The following FAM83G variants were observed in gnomAD, a reference collection of about 807,000 sequenced individuals.
The protein encoded by FAM83G is protein FAM83G.
Under a neutral mutation model 61.5 loss-of-function variants are expected in FAM83G, and 38 were observed. The observed-to-expected ratio is 0.62, with a 90% CI of 0.48 to 0.81. FAM83G has a LOEUF of 0.81. FAM83G is among the 30% of genes least tolerant of loss of function. The pLI, the probability that FAM83G is intolerant of heterozygous loss-of-function variation, is 0.00. For missense variants in FAM83G, 989 were observed against 1,133.6 expected (o/e 0.87, Z 1.83); for synonymous variants, 470 against 476.1 (o/e 0.99, Z 0.17).
In FAM83G at chr17:19,003,116, C is replaced by T. The variant is rs111546813; in HGVS notation, c.522+404G>A. Reference sequence around the variant, plus strand: ...CTATTCCCTCACCCCACAACAAAAGCTCTCCCCACCAGAGAGCTCATGGTG... The same window carrying T: ...CTATTCCCTCACCCCACAACAAAAGTTCTCCCCACCAGAGAGCTCATGGTG... On this transcript the variant is annotated intron_variant, in intron 2 of 5. Coordinates refer to ENST00000388995, the MANE Select transcript of FAM83G (RefSeq NM_001039999.3). The surrounding 1 kb of genome is among the most constrained non-coding windows in gnomAD (Gnocchi z 4.5). Among the ~76,000 whole-genome samples the T allele has an allele frequency of 3.9e-5, 6 of 152,046 alleles. No individual in the cohort carries two copies. Among genetic ancestry groups the T allele is most frequent in the South Asian group, 2.1e-4 (1 of 4,794 alleles).
intron 2 of FAM83G, among the ~76,000 whole-genome samples, chr17:18,991,090 C>T (rs1055513560): frequency 2.6e-5 from 4 of 152,192 alleles, no homozygotes; most frequent in Non-Finnish European, 5.9e-5. Flanking sequence ...GTTCTTTTTC[C>T]CATTTTGCAG....
chr17:18,987,570 G>A (rs944448672), intron 3 of FAM83G, among the ~76,000 whole-genome samples: 2 of 152,202 alleles, frequency 1.3e-5, no homozygotes, highest in Admixed American at 6.5e-5. Context: ...AGAGAAGGGA[G>A]GTGACATGCC....
intron 3 of FAM83G, among the ~76,000 whole-genome samples, chr17:18,983,278 AGGCATCACTAT>A (rs2152015836): frequency 6.6e-6 from 1 of 152,342 alleles, no homozygotes; most frequent in South Asian, 2.1e-4. Flanking sequence ...CAACCCCGTG[AGGCATCACTAT>A]GGCCATGGGG....
intron 2 of FAM83G, among the ~76,000 whole-genome samples, chr17:18,995,936 C>A (rs2043560449): frequency 6.6e-6 from 1 of 150,808 alleles, no homozygotes; most frequent in African/African-American, 2.4e-5. Context: ...AAGACTAAAT[C>A]CACAGGTCTC....
rs1719989747 is a variant in FAM83G, at chr17:18,978,667, G to A, written c.999C>T (p.Pro333=). Residue 333 remains proline (P), a synonymous_variant, in exon 5 of 6, where the codon CCC becomes CCT. Transcript: ENST00000388995. ...PEPIVLPSVV[P]LVPAGTVAKK... The stretch of plus-strand genomic sequence containing the variant: ...TGGCCACAGTGCCCGCGGGCACCAG[G>A]GGGACCACAGAGGGCAGCACAATAG... 2.5e-6 allele frequency: 4 copies of A among 1,612,856 alleles called. No individual in the cohort carries two copies. Among genetic ancestry groups the A allele is most frequent in the Non-Finnish European group, 3.4e-6 (4 of 1,180,010 alleles).
chr17:18,981,098 C>T (rs1385711422), intron 3 of FAM83G, among the ~76,000 whole-genome samples: 4 of 152,192 alleles, frequency 2.6e-5, no homozygotes, highest in Non-Finnish European at 5.9e-5. Context: ...GCAGAGATGC[C>T]TGTGATGAGG....
Position 19,000,514 on chromosome 17 carries a change from A to C in FAM83G, c.522+3006T>G, listed in dbSNP as rs2043704204. Among the ~76,000 whole-genome samples the C allele has an allele frequency of 6.6e-6, 1 of 152,156 alleles. No individual in the cohort carries two copies. The highest frequency in any genetic ancestry group is 2.4e-5 in the African/African-American group (1 of 41,422). On this transcript the variant is annotated intron_variant, in intron 2 of 5. Transcript: ENST00000388995. The surrounding 1 kb of genome is among the most constrained non-coding windows in gnomAD (Gnocchi z 5.2). ...TTTGGGAACAGGGGGGACTGACAGC[A>C]GTCCTGACAGGAACACAGCCGCTCC...
In FAM83G at chr17:18,971,167, G is replaced by C; in HGVS notation, c.*192C>G. On this transcript the variant is annotated 3_prime_UTR_variant, in exon 6 of 6. Transcript: ENST00000388995. This position sits in a 1 kb window ranked among gnomAD's most constrained non-coding sequence, Gnocchi z 5.5. ...ACACAGGGGACCTGCCGTGGACCGG[G>C]ATGACCTTTGGCCTGACCATCATGG... The C allele has an allele frequency of 5.0e-6, 8 of 1,614,098 alleles. No individual in the cohort carries two copies. The highest frequency in any genetic ancestry group is 6.8e-6 in the Non-Finnish European group (8 of 1,180,040).
rs752839321 is a variant in FAM83G, at chr17:18,988,403, C to G, written c.534G>C (p.Val178=). 1 of 1,614,062 alleles carries G rather than the reference C, an allele frequency of 6.2e-7. No individual in the cohort carries two copies. The highest frequency in any genetic ancestry group is 2.2e-5 in the East Asian group (1 of 44,886). ...CCACGTCGGTGAACATGTCCATGAC[C>G]ACAGCTATCACCTGGGAGCAAGAAG... ...MISQAQKVIA[V]VMDMFTDVDI... Residue 178 remains valine, a synonymous_variant, in exon 3 of 6, where the codon GTG becomes GTC. Transcript: ENST00000388995.
Position 19,003,577 on chromosome 17 carries a change from T to C in FAM83G, c.465A>G (p.Ile155Met). Residue 155 changes from isoleucine (I) to methionine (M), a missense_variant, in exon 2 of 6, where the codon ATA (isoleucine) becomes ATG (methionine). Coordinates refer to ENST00000388995, the MANE Select transcript of FAM83G (RefSeq NM_001039999.3). This position sits in a 1 kb window ranked among gnomAD's most constrained non-coding sequence, Gnocchi z 4.5. ...CCTCTTTGATGTGGGCCTGCCCGTC[T>C]ATGGGGGGCTGCATGTAGACGCTAG... ...TRASVYMQPPIDGQAHIKEVV... is the reference protein window; with the variant it reads ...TRASVYMQPPMDGQAHIKEVV... The C allele has an allele frequency of 1.3e-6, 2 of 1,593,822 alleles. No individual in the cohort carries two copies. Among genetic ancestry groups the C allele is most frequent in the Non-Finnish European group, 1.7e-6 (2 of 1,170,076 alleles).
chr17:18,986,587 C>T (rs1320362621), intron 3 of FAM83G, among the ~76,000 whole-genome samples: 4 of 152,236 alleles, frequency 2.6e-5, no homozygotes, highest in Non-Finnish European at 1.5e-5. Context: ...CCATTGCCTC[C>T]GGCTTCCTGG....
Position 18,969,072 on chromosome 17 carries a change from T to A in FAM83G, c.*2287A>T. 1 of 1,613,924 alleles carries A rather than the reference T, an allele frequency of 6.2e-7. No individual in the cohort carries two copies. Among genetic ancestry groups the A allele is most frequent in the Non-Finnish European group, 8.5e-7 (1 of 1,179,924 alleles). On this transcript the variant is annotated 3_prime_UTR_variant, in exon 6 of 6. Transcript: ENST00000388995. The stretch of plus-strand genomic sequence containing the variant: ...CGCAGCTGGACCTGTACGCGGGGGC[T>A]CTGTTTGTGCACATCTGCCTGGGCT...
At chr17:18,977,448 A>G (rs1027344497) in intron 5 of FAM83G, 136 bp downstream of exon 5, 2 of 896,258 alleles carry the variant, frequency 2.2e-6, no homozygotes, top group Non-Finnish European at 1.7e-6. Flanking sequence ...CTGTTCATCA[A>G]GTTTCCCCAT....
At chr17:18,993,429 G>A (rs1013379226) in intron 2 of FAM83G, among the ~76,000 whole-genome samples, 1 of 152,164 alleles carries the variant, frequency 6.6e-6, no homozygotes, top group African/African-American at 2.4e-5. Flanking sequence ...CGCAAGACTC[G>A]GGTAAGAGGG....
In FAM83G at chr17:18,971,311, G is replaced by A. The variant is rs769279646; in HGVS notation, c.*48C>T. ...GGCCTGTCTGCCCTCCGCGTCATGA[G>A]TCTGGGCTGGGGCCTCAGAAGGTGT... On this transcript the variant is annotated 3_prime_UTR_variant, in exon 6 of 6. Transcript: ENST00000388995. The surrounding 1 kb of genome is among the most constrained non-coding windows in gnomAD (Gnocchi z 5.5). 29 of 1,607,894 alleles carry A rather than the reference G, an allele frequency of 1.8e-5. No homozygotes were observed. The Admixed American group carries it at 2.5e-4, about 14-fold the overall frequency.
Position 18,996,619 on chromosome 17 carries a change from C to A in FAM83G, c.522+6901G>T, listed in dbSNP as rs1414780729. On this transcript the variant is annotated intron_variant, in intron 2 of 5. Coordinates refer to ENST00000388995, the MANE Select transcript of FAM83G (RefSeq NM_001039999.3). The surrounding 1 kb of genome is among the most constrained non-coding windows in gnomAD (Gnocchi z 4.4). ...ACTTGGTAACAAATGCTGACCCCAG[C>A]CAGAGCAAGGATAATTAGGCCAACC... is the stretch of plus-strand genomic sequence containing the variant. Among the ~76,000 whole-genome samples, 1 of 152,090 alleles carries A rather than the reference C, an allele frequency of 6.6e-6. No individual in the cohort carries two copies. Among genetic ancestry groups the A allele is most frequent in the Non-Finnish European group, 1.5e-5 (1 of 68,018 alleles).
Position 18,970,109 on chromosome 17 carries a change from G to A in FAM83G, c.*1250C>T, listed in dbSNP as rs1011016263. 2 of 152,214 alleles carry A rather than the reference G, an allele frequency of 1.3e-5. No individual in the cohort carries two copies. The highest frequency in any genetic ancestry group is 2.4e-5 in the African/African-American group (1 of 41,438). The allele number at this position is 152,214 out of a possible 1,614,324, so 9.4% of individuals were successfully genotyped here. On this transcript the variant is annotated 3_prime_UTR_variant, in exon 6 of 6. Coordinates refer to ENST00000388995, the MANE Select transcript of FAM83G (RefSeq NM_001039999.3). The stretch of plus-strand genomic sequence containing the variant: ...TGCTCTGAGCCTCACACAAACCCTC[G>A]GTCTGAATACAGAGCCTGACCTGAG...
At chr17:18,973,884 GTTTTTTTTTTTTT>G (rs35778801) in intron 5 of FAM83G, among the ~76,000 whole-genome samples, 1 of 95,740 alleles carries the variant, frequency 1.0e-5, no homozygotes, top group Non-Finnish European at 2.0e-5. Context: ...TTTTTTTTAA[GTTTTTTTTTTTTT>G]TTTTTTTTTC....
In FAM83G at chr17:18,996,134, T is replaced by C. The variant is rs1414168353; in HGVS notation, c.522+7386A>G. On this transcript the variant is annotated intron_variant, in intron 2 of 5. Transcript: ENST00000388995. The surrounding 1 kb of genome is among the most constrained non-coding windows in gnomAD (Gnocchi z 4.4). ...CAGGCAATATCTTTAAAGTACTAAA[T>C]GGAAAAAAAAAAAAATCAACTTAGA... 7.6e-6 allele frequency among the ~76,000 whole-genome samples: 1 copy of C among 131,328 alleles called. No individual in the cohort carries two copies. The highest frequency in any genetic ancestry group is 1.6e-5 in the Non-Finnish European group (1 of 62,798). The allele number at this position is 131,328 out of a possible 152,430, so 86.2% of individuals were successfully genotyped here. A position where few individuals can be genotyped will look rare whatever the true frequency, so the allele number is the denominator to read the frequency against.
Sources: gnomAD v4.1 joint callset for allele counts (sites outside exome capture counted in the v4.1 genomes callset) on GRCh38, gnomAD v4.1.1 for gene constraint, Gnocchi (gnomAD v3.1) non-coding constraint, MANE v1.5 for transcripts, NCBI Gene and HGNC (gene_info 2026-07-23, HGNC 2026-07-21) for gene names.